The following LRTM1 variants were observed in gnomAD, a reference collection of about 807,000 sequenced individuals.
LRTM1 encodes the protein leucine-rich repeat and transmembrane domain-containing protein 1.
LRTM1 carries 38 observed loss-of-function variants against 32.4 expected under a neutral mutation model. The ratio of observed to expected loss-of-function variants is 1.17; its 90% CI spans 0.91 to 1.54. The LOEUF is 1.54. Among genes scored for constraint, LRTM1 ranks in the 40% most tolerant of loss-of-function variants. The pLI is 0.00. For synonymous variants in LRTM1, 186 were observed against 169.9 expected (o/e 1.09, Z -0.74); for missense variants, 466 against 415.4 (o/e 1.12, Z -1.06).
At position 54,918,332 on chromosome 3, in the gene LRTM1, C is replaced by CTATTTTTTTTTTTTTT. The variant is rs1700718147; in HGVS notation, c.*126_*127insAAAAAAAAAAAAAATA. 4.5e-6 allele frequency: 1 copy of CTATTTTTTTTTTTTTT among 222,324 alleles called. No individual in the cohort carries two copies. 13.8% of individuals were successfully genotyped at this position (222,324 alleles called of 1,614,324 possible). ...TTTTACAGACACATCTTTTTTTTTT[C>CTATTTTTTTTTTTTTT]TTTTTTTTTTTTTTTTTTTTTTTGT... On this transcript the variant is annotated 3_prime_UTR_variant, in exon 3 of 3. Coordinates refer to ENST00000273286, the MANE Select transcript of LRTM1 (RefSeq NM_020678.4).
chr3:54,918,767 C>A lies in LRTM1; in HGVS notation c.730G>T (p.Ala244Ser). 1 of 1,614,138 alleles carries A rather than the reference C, an allele frequency of 6.2e-7. No homozygotes were observed. The highest frequency in any genetic ancestry group is 8.5e-7 in the Non-Finnish European group (1 of 1,180,012). Reference protein sequence around the residue: ...LPAPDPVSSQAQWPGSAHGVV... With the variant: ...LPAPDPVSSQSQWPGSAHGVV... ...CCGTGGGCAGAGCCGGGCCACTGAG[C>A]CTGCGAGGACACTGGATCAGGAGCA... The change falls in exon 3 of 3, where the codon GCT becomes TCT. Residue 244 changes from alanine to serine, a missense_variant. Physicochemically the swap from Ala to Ser is moderately conservative, Grantham distance 99. Transcript: ENST00000273286.
At chr3:54,929,050 C>A (rs1701112003), upstream of LRTM1, among the ~76,000 whole-genome samples, 3 of 152,146 alleles carry the variant, frequency 2.0e-5, no homozygotes, top group South Asian at 6.2e-4. Context: ...TTTATGGAAG[C>A]AGCATGAAGT....
intron 1 of LRTM1, among the ~76,000 whole-genome samples, chr3:54,946,489 G>C (rs528222700): frequency 6.6e-6 from 1 of 152,180 alleles, no homozygotes; most frequent in Non-Finnish European, 1.5e-5. Flanking sequence ...ATGAAAGGAG[G>C]GGGGATGTGA....
upstream of LRTM1, among the ~76,000 whole-genome samples, chr3:54,930,485 G>C (rs886803455): frequency 6.6e-6 from 1 of 152,172 alleles, no homozygotes; most frequent in Non-Finnish European, 1.5e-5. Context: ...TGTCTATAAG[G>C]CCCAGCTGGG....
chr3:54,932,924 T>C (rs1326149575), upstream of LRTM1, among the ~76,000 whole-genome samples: 1 of 152,174 alleles, frequency 6.6e-6, no homozygotes, highest in African/African-American at 2.4e-5. Context: ...AAGTTTGACA[T>C]TGGAGGCATG....
intron 1 of LRTM1, among the ~76,000 whole-genome samples, chr3:54,940,503 GTT>G (rs1701438699): frequency 6.6e-6 from 1 of 152,106 alleles, no homozygotes; most frequent in Non-Finnish European, 1.5e-5. Flanking sequence ...CGGGCCATGT[GTT>G]TTATTTGCTG....
At chr3:54,930,787 A>G (rs1319590842), upstream of LRTM1, among the ~76,000 whole-genome samples, 1 of 152,210 alleles carries the variant, frequency 6.6e-6, no homozygotes, top group Non-Finnish European at 1.5e-5. Context: ...CATATCTGGT[A>G]GAGCAAAAGA....
At chr3:54,958,313 A>G (rs1017502537) in intron 1 of LRTM1, among the ~76,000 whole-genome samples, 1 of 152,216 alleles carries the variant, frequency 6.6e-6, no homozygotes, top group Non-Finnish European at 1.5e-5. Context: ...GGACTGCCTG[A>G]GCCCAAGAGT....
chr3:54,937,114 T>C (rs577295657), intron 1 of LRTM1, among the ~76,000 whole-genome samples: 23 of 152,330 alleles, frequency 1.5e-4, no homozygotes, highest in African/African-American at 5.3e-4. Flanking sequence ...TTTCCACTTC[T>C]GAAGGTGAAG....
upstream of LRTM1, among the ~76,000 whole-genome samples, chr3:54,928,334 TAAAAC>T (rs1701087603): frequency 1.3e-5 from 2 of 152,136 alleles, no homozygotes; most frequent in African/African-American, 2.4e-5. Flanking sequence ...GGCACCAAAA[TAAAAC>T]TGCCTTCTTA....
At chr3:54,933,230 C>G (rs1212384237) in intron 1 of LRTM1, among the ~76,000 whole-genome samples, 1 of 152,130 alleles carries the variant, frequency 6.6e-6, no homozygotes, top group African/African-American at 2.4e-5. Context: ...GTATTTAATG[C>G]TTACAATGGG....
chr3:54,924,628 C>T lies in LRTM1; in HGVS notation c.595G>A (p.Val199Ile). The T allele has an allele frequency of 6.2e-7, 1 of 1,613,508 alleles. No homozygotes were observed. The highest frequency in any genetic ancestry group is 8.5e-7 in the Non-Finnish European group (1 of 1,179,598). Residue 199 changes from valine (V) to isoleucine (I), a missense_variant, in exon 2 of 3, where the codon GTC becomes ATC. Physicochemically the swap from Val to Ile is conservative, Grantham distance 29. Transcript: ENST00000273286. ...LGLKLWLEKF[V>I]YKGGLTDGII... The stretch of plus-strand genomic sequence containing the variant: ...AATAGACATGACTGACCTTTATAGA[C>T]AAATTTCTCCAGCCAGAGTTTAAGA...
At chr3:54,932,125 G>A (rs1701205477), upstream of LRTM1, among the ~76,000 whole-genome samples, 1 of 152,076 alleles carries the variant, frequency 6.6e-6, no homozygotes, top group East Asian at 1.9e-4. Flanking sequence ...GCTGCAGTGA[G>A]CCGAGATCAC....
upstream of LRTM1, among the ~76,000 whole-genome samples, chr3:54,930,226 C>T (rs569234425): frequency 3.9e-5 from 6 of 152,278 alleles, no homozygotes; most frequent in South Asian, 1.2e-3. Flanking sequence ...CACTAGTCCA[C>T]CACCCCACCT....
chr3:54,928,902 G>A (rs1701107591), upstream of LRTM1, among the ~76,000 whole-genome samples: 1 of 152,146 alleles, frequency 6.6e-6, no homozygotes, highest in East Asian at 1.9e-4. Flanking sequence ...AAGCTTCAGG[G>A]AACTTTCCCA....
In LRTM1 at chr3:54,924,914, T is replaced by G. The variant is rs771429040; in HGVS notation, c.309A>C (p.Leu103Phe). ...AFHGLQHLQVLNLTQNSLLSL... is the reference protein window; with the variant it reads ...AFHGLQHLQVFNLTQNSLLSL... The stretch of plus-strand genomic sequence containing the variant: ...AAAGGAGTGAATTCTGGGTTAGATT[T>G]AAAACCTGCAAGTGCTGAAGCCCAT... The change falls in exon 2 of 3, where the codon TTA becomes TTC. Residue 103 changes from leucine to phenylalanine, a missense_variant. Physicochemically the swap from Leu to Phe is conservative, Grantham distance 22 (BLOSUM62 0). Coordinates refer to ENST00000273286, the MANE Select transcript of LRTM1 (RefSeq NM_020678.4). 1.2e-6 allele frequency: 2 copies of G among 1,613,378 alleles called. No homozygotes were observed. Among genetic ancestry groups the G allele is most frequent in the African/African-American group, 2.7e-5 (2 of 74,998 alleles).
At chr3:54,928,102 C>T (rs1575382967), upstream of LRTM1, 1 of 582,572 alleles carries the variant, frequency 1.7e-6, no homozygotes, top group Non-Finnish European at 3.0e-6. Context: ...CAGCCCTTCC[C>T]CTTGTCTCCA....
At chr3:54,943,868 A>G (rs1001840598) in intron 1 of LRTM1, among the ~76,000 whole-genome samples, 2 of 151,870 alleles carry the variant, frequency 1.3e-5, no homozygotes, top group African/African-American at 4.8e-5. Flanking sequence ...CTAAACCCTC[A>G]TGCCTTCTTT....
rs1176149171 is a variant in LRTM1 at position 54,918,890 on chromosome 3, C to T, written c.607G>A (p.Gly203Arg). 6.6e-7 allele frequency: 1 copy of T among 1,522,486 alleles called. No individual in the cohort carries two copies. Among genetic ancestry groups the T allele is most frequent in the African/African-American group, 1.4e-5 (1 of 71,848 alleles). 94.3% of individuals were successfully genotyped at this position (1,522,486 alleles called of 1,614,324 possible). Residue 203 changes from glycine to arginine, a missense_variant and splice_region_variant, in exon 3 of 3, where the codon GGA becomes AGA. Transcript: ENST00000273286. Reference sequence around the variant, plus strand: ...TCACAGATGATGCCGTCTGTTAGTCCCCCTTTAAAAAACAAAAGCAAAGAA... The same window carrying T: ...TCACAGATGATGCCGTCTGTTAGTCTCCCTTTAAAAAACAAAAGCAAAGAA... ...LWLEKFVYKG[G>R]LTDGIICESP...
Sources: gnomAD v4.1 joint callset for allele counts (sites outside exome capture counted in the v4.1 genomes callset) on GRCh38, gnomAD v4.1.1 for gene constraint, MANE v1.5 for transcripts, NCBI Gene and HGNC (gene_info 2026-07-23, HGNC 2026-07-21) for gene names.